Variants in FHL2 observed in about 807,000 individuals in gnomAD.
The protein encoded by FHL2 is four and a half LIM domains 2, also known as four and a half LIM domains protein 2.
In FHL2, 20 loss-of-function variants were observed where a neutral mutation model predicts 32.7. The observed-to-expected ratio is 0.61, with a 90% CI of 0.43 to 0.89. The LOEUF (loss-of-function observed/expected upper bound fraction) is 0.89. Among genes scored for constraint, FHL2 ranks in the 40% least tolerant of loss-of-function variants. The probability of loss-of-function intolerance (pLI) is 0.00; values close to 1 mark genes in which losing one functional copy is unlikely to be tolerated. For synonymous variants in FHL2, 123 were observed against 128.1 expected (o/e 0.96, Z 0.27); for missense variants, 311 against 358.6 (o/e 0.87, Z 1.07).
chr2:105,365,454 A>G (rs1438946000), intron 5 of FHL2, among the ~76,000 whole-genome samples: 5 of 152,248 alleles, frequency 3.3e-5, no homozygotes, highest in Non-Finnish European at 5.9e-5. Context: ...CTGCAAATGA[A>G]TAAAGCACAC....
intron 1 of FHL2, among the ~76,000 whole-genome samples, chr2:105,410,511 C>T (rs1052983512): frequency 2.0e-5 from 3 of 152,122 alleles, no homozygotes; most frequent in Non-Finnish European, 4.4e-5. Context: ...AGATATCACT[C>T]GAATGGTGCT....
At chr2:105,420,194 T>A (rs148698027) in intron 1 of FHL2, among the ~76,000 whole-genome samples, 2 of 152,354 alleles carry the variant, frequency 1.3e-5, no homozygotes, top group Non-Finnish European at 2.9e-5. Context: ...TGGTCCCTTC[T>A]GAGGGCTGTG....
chr2:105,412,689 G>C (rs534863047), intron 1 of FHL2, among the ~76,000 whole-genome samples: 1 of 152,210 alleles, frequency 6.6e-6, no homozygotes, highest in African/African-American at 2.4e-5. Context: ...GGTTTAGGGG[G>C]CAGCATCCGC....
chr2:105,432,809 C>T (rs185442330), intron 1 of FHL2, among the ~76,000 whole-genome samples: 367 of 152,314 alleles, frequency 2.4e-3, no homozygotes, highest in Non-Finnish European at 3.6e-3. Context: ...AATGTTAATA[C>T]TGATTGCGTC....
At chr2:105,433,531 T>C (rs1417623108) in intron 1 of FHL2, among the ~76,000 whole-genome samples, 1 of 152,182 alleles carries the variant, frequency 6.6e-6, no homozygotes, top group Admixed American at 6.5e-5. Context: ...TTTCCAAGTT[T>C]CTAGTGGGAT....
chr2:105,427,230 G>T (rs1467652706), intron 1 of FHL2, among the ~76,000 whole-genome samples: 1 of 152,170 alleles, frequency 6.6e-6, no homozygotes, highest in Non-Finnish European at 1.5e-5. Flanking sequence ...AAAATATACT[G>T]TCATGAAAAA....
chr2:105,403,085 G>A (rs1683522907), upstream of FHL2, among the ~76,000 whole-genome samples: 1 of 152,214 alleles, frequency 6.6e-6, no homozygotes, highest in Non-Finnish European at 1.5e-5. Context: ...TGAAATTGTG[G>A]CGAAGGTCTT....
At chr2:105,384,508 T>C (rs1359696667) in intron 3 of FHL2, among the ~76,000 whole-genome samples, 1 of 152,054 alleles carries the variant, frequency 6.6e-6, no homozygotes, top group Non-Finnish European at 1.5e-5. Context: ...TCTCCCCAGT[T>C]TTTTTTGGGT....
At chr2:105,370,212 C>A (rs192994486) in intron 4 of FHL2, among the ~76,000 whole-genome samples, 10 of 151,838 alleles carry the variant, frequency 6.6e-5, no homozygotes, top group African/African-American at 1.9e-4. Context: ...GTCTCTACCC[C>A]CCCAAAAAAA....
At chr2:105,399,836 C>T (rs56317017), upstream of FHL2, among the ~76,000 whole-genome samples, 19,934 of 152,202 alleles carry the variant, frequency 0.13, 1,620 homozygotes, top group South Asian at 0.23. Flanking sequence ...AGCAGGTAAC[C>T]GGTCCACTTG....
chr2:105,413,830 A>AC lies in FHL2; in HGVS notation c.-25+24568dup, dbSNP rs549079882. Among the ~76,000 whole-genome samples the AC allele has an allele frequency of 2.3e-3, 353 of 152,146 alleles. 1 individual carries two copies. Among genetic ancestry groups the AC allele is most frequent in the Non-Finnish European group, 3.7e-3 (252 of 68,010 alleles). On this transcript the variant is annotated intron_variant, in intron 1 of 5. Transcript: ENST00000393352. ...GCTCACAATGCAGAACACTTCTGTGACCCCAGATGGGGGTAATTTTCCCTC... is the reference window on the plus strand; with the variant it reads ...GCTCACAATGCAGAACACTTCTGTGACCCCCAGATGGGGGTAATTTTCCCTC...
At position 105,415,298 on chromosome 2, in the gene FHL2, T is replaced by A. The variant is rs116212317; in HGVS notation, c.-25+23101A>T. On this transcript the variant is annotated intron_variant, in intron 1 of 5. Coordinates refer to the FHL2 transcript ENST00000393352. Reference sequence around the variant, plus strand: ...CTACCATTTGTAAGAAAAGGATGTGTGGCTATTATACATGTTTGGAATATC... The same window carrying A: ...CTACCATTTGTAAGAAAAGGATGTGAGGCTATTATACATGTTTGGAATATC... Among the ~76,000 whole-genome samples the A allele has an allele frequency of 3.7e-3, 567 of 152,368 alleles. 2 individuals are homozygous for A. Among genetic ancestry groups the A allele is most frequent in the Non-Finnish European group, 6.6e-3 (447 of 68,028 alleles).
chr2:105,372,846 C>T (rs115977059), intron 4 of FHL2, among the ~76,000 whole-genome samples: 2,405 of 152,224 alleles, frequency 0.016, 18 homozygotes, highest in East Asian at 0.035. Flanking sequence ...TATAAGCCAC[C>T]GCACCCAGCT....
At chr2:105,397,010 G>GGTT (rs1553421532) in intron 1 of FHL2, 1 of 108,298 alleles carries the variant, frequency 9.2e-6, no homozygotes, top group Non-Finnish European at 1.7e-5. Flanking sequence ...TATCTAGTCT[G>GGTT]TTTTTTTTTT....
intron 1 of FHL2, among the ~76,000 whole-genome samples, chr2:105,430,799 G>A (rs1684409928): frequency 6.6e-6 from 1 of 152,220 alleles, no homozygotes; most frequent in African/African-American, 2.4e-5. Context: ...GTCCTGCCCT[G>A]TGTCTGGGAG....
At position 105,398,950 on chromosome 2, in the gene FHL2, A is replaced by AG; in HGVS notation, c.-185dup. ...GCCCCTCGGCCTCCCTCCGGGGCGC[A>AG]GGGGGTTGGAGGTACTCACGGCACC... On this transcript the variant is annotated 5_prime_UTR_variant, in exon 1 of 7. Coordinates refer to ENST00000530340, the MANE Select transcript of FHL2 (RefSeq NM_001318895.3). 6 of 1,526,934 alleles carry AG rather than the reference A, an allele frequency of 3.9e-6. No homozygotes were observed. Among genetic ancestry groups the AG allele is most frequent in the Non-Finnish European group, 5.3e-6 (6 of 1,140,408 alleles). The allele number at this position is 1,526,934 out of a possible 1,614,324, so 94.6% of individuals were successfully genotyped here.
intron 1 of FHL2, among the ~76,000 whole-genome samples, chr2:105,436,007 A>T (rs1244886900): frequency 6.6e-6 from 1 of 152,168 alleles, no homozygotes; most frequent in Non-Finnish European, 1.5e-5. Context: ...TTTAACTATA[A>T]CAAAAGTCCT....
intron 1 of FHL2, among the ~76,000 whole-genome samples, chr2:105,406,160 T>C: frequency 6.6e-6 from 1 of 152,224 alleles, no homozygotes; most frequent in Non-Finnish European, 1.5e-5. Context: ...ATCCTTGCAA[T>C]AGTAGTTGAC....
upstream of FHL2, chr2:105,399,649 A>G (rs1374735228): frequency 6.7e-7 from 1 of 1,488,640 alleles, no homozygotes; most frequent in Non-Finnish European, 8.9e-7. Context: ...ATTCCCCTCC[A>G]GGGCGGGAAA....
Sources: allele counts gnomAD v4.1 joint callset (sites outside exome capture counted in the v4.1 genomes callset), GRCh38; gene constraint gnomAD v4.1.1; transcripts MANE v1.5; gene names NCBI Gene and HGNC (gene_info 2026-07-23, HGNC 2026-07-21).